SLCO3A1: variants seen among roughly 807,000 people sequenced by gnomAD.
The protein encoded by SLCO3A1 is solute carrier organic anion transporter family member 3A1, also known as PGE1 transporter.
In SLCO3A1, 27 loss-of-function variants were observed where a neutral mutation model predicts 63.1. The observed-to-expected ratio is 0.43, with a 90% CI of 0.32 to 0.59. SLCO3A1 has a LOEUF of 0.59. Ranked by LOEUF, SLCO3A1 falls within the 20% of genes least tolerant of loss-of-function variation. The probability of loss-of-function intolerance (pLI) is 0.09; values close to 1 mark genes in which losing one functional copy is unlikely to be tolerated. For synonymous variants in SLCO3A1, 473 were observed against 409.9 expected (o/e 1.15, Z -1.86); for missense variants, 773 against 945.8 (o/e 0.82, Z 2.40).
chr15:92,047,506 T>TATATAA lies in SLCO3A1; in HGVS notation c.647-47370_647-47369insAATATA, dbSNP rs1555427673. ...AAATATATATATAAATATATATAAA[T>TATATAA]ATATATAAATACATAAATAAATATA... On this transcript the variant is annotated intron_variant, in intron 2 of 9. Transcript: ENST00000318445. Among the ~76,000 whole-genome samples, 2 of 30,236 alleles carry TATATAA rather than the reference T, an allele frequency of 6.6e-5. 1 individual carries two copies. The highest frequency in any genetic ancestry group is 1.4e-3 in the East Asian group (2 of 1,420). 19.8% of individuals were successfully genotyped at this position (30,236 alleles called of 152,430 possible). A position where few individuals can be genotyped will look rare whatever the true frequency, so the allele number is the denominator to read the frequency against.
intron 2 of SLCO3A1, among the ~76,000 whole-genome samples, chr15:92,006,066 G>C (rs758583483): frequency 8.5e-5 from 13 of 152,076 alleles, no homozygotes; most frequent in Non-Finnish European, 1.6e-4. Context: ...TTGCTCTGTC[G>C]TCTCATGCTT....
At chr15:92,152,583 C>T (rs1596150974) in intron 9 of SLCO3A1, among the ~76,000 whole-genome samples, 1 of 152,192 alleles carries the variant, frequency 6.6e-6, no homozygotes, top group Non-Finnish European at 1.5e-5. Flanking sequence ...GAGTTATGAT[C>T]GTGCTGATTT....
At chr15:91,963,860 G>A (rs936063691) in intron 2 of SLCO3A1, among the ~76,000 whole-genome samples, 61 of 152,092 alleles carry the variant, frequency 4.0e-4, no homozygotes, top group African/African-American at 1.3e-3. Flanking sequence ...CTTCCACGGC[G>A]TGGAAGGGGA....
intron 4 of SLCO3A1, among the ~76,000 whole-genome samples, chr15:92,119,839 T>A (rs1045202052): frequency 1.3e-5 from 2 of 152,128 alleles, no homozygotes; most frequent in Admixed American, 6.5e-5. Flanking sequence ...AAGACCCCAG[T>A]TGGGTGGCTC....
intron 2 of SLCO3A1, among the ~76,000 whole-genome samples, chr15:92,081,407 G>GT (rs2047344901): frequency 6.6e-6 from 1 of 151,822 alleles, no homozygotes. Context: ...CTGGAGCGCA[G>GT]TGTTGTGATC....
At chr15:92,054,525 TGGTG>T (rs1209044179) in intron 2 of SLCO3A1, among the ~76,000 whole-genome samples, 1 of 152,168 alleles carries the variant, frequency 6.6e-6, no homozygotes, top group Non-Finnish European at 1.5e-5. Flanking sequence ...ACATGTGCCA[TGGTG>T]GTTTGCTGCA....
exon 11 of SLCO3A1, chr15:92,171,843 A>T: frequency 6.4e-7 from 1 of 1,551,040 alleles, no homozygotes; most frequent in African/African-American, 1.4e-5. Flanking sequence ...CCTTCAGAAG[A>T]CTCCTTTGTG....
At chr15:92,029,105 C>T (rs759101582) in intron 2 of SLCO3A1, among the ~76,000 whole-genome samples, 11 of 152,000 alleles carry the variant, frequency 7.2e-5, no homozygotes, top group Admixed American at 1.3e-4. Flanking sequence ...AAAAGAGAGG[C>T]GGTAAATGGA....
intron 1 of SLCO3A1, among the ~76,000 whole-genome samples, chr15:91,870,918 A>G (rs186472489): frequency 5.3e-5 from 8 of 150,842 alleles, no homozygotes; most frequent in African/African-American, 2.0e-4. Flanking sequence ...TTCTTGATGT[A>G]TTGAACTCAT....
At chr15:91,991,864 A>T (rs1266350726) in intron 2 of SLCO3A1, among the ~76,000 whole-genome samples, 1 of 152,266 alleles carries the variant, frequency 6.6e-6, no homozygotes, top group Non-Finnish European at 1.5e-5. Context: ...TTTATTCATT[A>T]TGCTTGTGTA....
rs1567193291 is a variant in SLCO3A1, at chr15:91,934,845, GT to G, written c.646+18389del. Among the ~76,000 whole-genome samples the G allele has an allele frequency of 2.0e-5, 3 of 152,304 alleles. No individual in the cohort carries two copies. In the East Asian group the frequency reaches 5.8e-4, roughly 29 times the overall value. ...GCCAGTGAGTTGTATAATTCCGTAA[GT>G]TACTGCCCTTCCTAACTAAGGCCCT... On this transcript the variant is annotated intron_variant, in intron 2 of 9. Transcript: ENST00000318445.
chr15:91,891,768 C>A (rs1446004119), intron 1 of SLCO3A1, among the ~76,000 whole-genome samples: 2 of 152,210 alleles, frequency 1.3e-5, no homozygotes, highest in African/African-American at 2.4e-5. Flanking sequence ...GAAAATCAAA[C>A]CCAGGTATAT....
At position 91,860,371 on chromosome 15, in the gene SLCO3A1, G is replaced by T. The variant is rs2141836966; in HGVS notation, c.180+6283G>T. ...TCAATAGCCTCATCTGAAAAATGGG[G>T]ATAATGATCAAGCTTATCTTACAGA... On this transcript the variant is annotated intron_variant, in intron 1 of 9. Transcript: ENST00000318445. The surrounding 1 kb of genome is among the most constrained non-coding windows in gnomAD (Gnocchi z 5.5). 6.6e-6 allele frequency among the ~76,000 whole-genome samples: 1 copy of T among 152,338 alleles called. No homozygotes were observed. Among genetic ancestry groups the T allele is most frequent in the South Asian group, 2.1e-4 (1 of 4,828 alleles).
chr15:92,102,122 A>G (rs2047612579), intron 3 of SLCO3A1, among the ~76,000 whole-genome samples: 1 of 151,996 alleles, frequency 6.6e-6, no homozygotes. Flanking sequence ...CCCTTTATGG[A>G]GCCTGGAGAC....
At chr15:92,122,533 C>G (rs1237477100) in intron 5 of SLCO3A1, among the ~76,000 whole-genome samples, 1 of 152,232 alleles carries the variant, frequency 6.6e-6, no homozygotes, top group African/African-American at 2.4e-5. Context: ...GCCACTGGAA[C>G]TCGCATACTT....
intron 2 of SLCO3A1, among the ~76,000 whole-genome samples, chr15:91,961,388 G>T (rs1364639708): frequency 6.6e-6 from 1 of 152,226 alleles, no homozygotes; most frequent in African/African-American, 2.4e-5. Context: ...ATAGGCAATA[G>T]TGGCGTGTTG....
rs192748581 is a variant in SLCO3A1, at chr15:91,906,605, T to G, written c.181-9388T>G. ...GGGCCTTAGACTAAGATCTCTGTCTTGAGAATATGTCTGGTCCTCTGTACA... is the reference window on the plus strand; with the variant it reads ...GGGCCTTAGACTAAGATCTCTGTCTGGAGAATATGTCTGGTCCTCTGTACA... On this transcript the variant is annotated intron_variant, in intron 1 of 9. Coordinates refer to ENST00000318445, the MANE Select transcript of SLCO3A1 (RefSeq NM_013272.4). Among the ~76,000 whole-genome samples, 14 of 152,340 alleles carry G rather than the reference T, an allele frequency of 9.2e-5. No individual in the cohort carries two copies. The East Asian group carries it at 2.5e-3, about 27-fold the overall frequency.
chr15:91,942,191 C>T lies in SLCO3A1; in HGVS notation c.646+25733C>T, dbSNP rs1370043119. Among the ~76,000 whole-genome samples, 1 of 151,760 alleles carries T rather than the reference C, an allele frequency of 6.6e-6. No homozygotes were observed. Among genetic ancestry groups the T allele is most frequent in the Non-Finnish European group, 1.5e-5 (1 of 68,018 alleles). Reference sequence around the variant, plus strand: ...ACTTGTAGAAATAAAAAGGTGGCACCTCTGTCATTTACCCCTCAATATTTT... The same window carrying T: ...ACTTGTAGAAATAAAAAGGTGGCACTTCTGTCATTTACCCCTCAATATTTT... On this transcript the variant is annotated intron_variant, in intron 2 of 9. Coordinates refer to ENST00000318445, the MANE Select transcript of SLCO3A1 (RefSeq NM_013272.4). This position sits in a 1 kb window ranked among gnomAD's most constrained non-coding sequence, Gnocchi z 4.1.
chr15:92,048,430 C>G (rs979578956), intron 2 of SLCO3A1, among the ~76,000 whole-genome samples: 8 of 152,140 alleles, frequency 5.3e-5, no homozygotes. Context: ...CTGCAATAAT[C>G]CAGACTTCCT....
Sources: gnomAD v4.1 joint callset for allele counts (sites outside exome capture counted in the v4.1 genomes callset) on GRCh38, gnomAD v4.1.1 for gene constraint, Gnocchi (gnomAD v3.1) non-coding constraint, MANE v1.5 for transcripts, NCBI Gene and HGNC (gene_info 2026-07-23, HGNC 2026-07-21) for gene names.